LYST: variants seen among roughly 807,000 people sequenced by gnomAD.
LYST encodes the protein lysosomal-trafficking regulator.
Under a neutral mutation model 413.6 loss-of-function variants are expected in LYST, and 192 were observed. The ratio of observed to expected loss-of-function variants is 0.46; its 90% confidence interval spans 0.41 to 0.52. The LOEUF is 0.52. Ranked by LOEUF, LYST falls within the 20% of genes least tolerant of loss-of-function variation. The probability of loss-of-function intolerance (pLI) is 0.00; values close to 1 mark genes in which losing one functional copy is unlikely to be tolerated. For missense variants in LYST, 3,815 were observed against 4,499.9 expected (o/e 0.85, Z 4.35); for synonymous variants, 1,525 against 1,567.3 (o/e 0.97, Z 0.64).
intron 45 of LYST, 91 bp downstream of exon 45, chr1:235,702,656 G>T: frequency 9.3e-7 from 1 of 1,078,380 alleles, no homozygotes; most frequent in Non-Finnish European, 1.4e-6. Flanking sequence ...CTTTAGGCCA[G>T]GACCATGCTA....
chr1:235,801,165 AT>A, intron 8 of LYST, 68 bp from the exon 9 acceptor site: 1 of 1,047,220 alleles, frequency 9.5e-7, no homozygotes, highest in Non-Finnish European at 1.5e-6. Context: ...TTCATTAATC[AT>A]TTAGAAGATC....
Position 235,663,847 on chromosome 1 carries a change from C to G in LYST, c.11267+137G>C. ...TCTTGCTGCTGGGTCACGGACAACC[C>G]GCTGTGTGTTAAGTGGTTGGCTTTT... is the stretch of plus-strand genomic sequence containing the variant. On this transcript the variant is annotated intron_variant, in intron 52 of 52. Coordinates refer to ENST00000389793, the MANE Select transcript of LYST (RefSeq NM_000081.4). 5.3e-6 allele frequency: 4 copies of G among 752,104 alleles called. No individual in the cohort carries two copies. The South Asian group carries it at 6.0e-5, about 11-fold the overall frequency. 46.6% of individuals were successfully genotyped at this position (752,104 alleles called of 1,614,324 possible). A position where few individuals can be genotyped will look rare whatever the true frequency, so the allele number is the denominator to read the frequency against.
intron 18 of LYST, among the ~76,000 whole-genome samples, chr1:235,774,228 A>C (rs1181272087): frequency 5.3e-5 from 8 of 152,240 alleles, no homozygotes; most frequent in Non-Finnish European, 8.8e-5. Context: ...GGGTGAAAAC[A>C]AACAGCACTC....
intron 22 of LYST, among the ~76,000 whole-genome samples, chr1:235,761,535 G>A (rs570386061): frequency 3.7e-4 from 57 of 152,236 alleles, no homozygotes; most frequent in African/African-American, 1.3e-3. Flanking sequence ...TATTGATTCT[G>A]AACATACCTA....
chr1:235,786,089 C>T (rs781026476), intron 14 of LYST, among the ~76,000 whole-genome samples: 3 of 152,140 alleles, frequency 2.0e-5, no homozygotes, highest in African/African-American at 4.8e-5. Flanking sequence ...ATAATTATCA[C>T]GGCTTCAGTT....
Position 235,686,892 on chromosome 1 carries a change from CT to C in LYST, c.10800+56del. 1.6e-6 allele frequency: 2 copies of C among 1,236,052 alleles called. No homozygotes were observed. Among genetic ancestry groups the C allele is most frequent in the South Asian group, 2.4e-5 (2 of 83,454 alleles). 76.6% of individuals were successfully genotyped at this position (1,236,052 alleles called of 1,614,324 possible). Reference sequence around the variant, plus strand: ...CAAAGTGAATTATACTTCATAAAGGCTTTCTTCCCCTCATTGACAAAGTCCC... The same window carrying C: ...CAAAGTGAATTATACTTCATAAAGGCTTCTTCCCCTCATTGACAAAGTCCC... On this transcript the variant is annotated intron_variant, in intron 48 of 52. Transcript: ENST00000389793. This position sits in a 1 kb window ranked among gnomAD's most constrained non-coding sequence, Gnocchi z 4.0.
chr1:235,792,939 C>G (rs35847176), intron 11 of LYST, among the ~76,000 whole-genome samples: 14,344 of 152,236 alleles, frequency 0.094, 897 homozygotes, highest in South Asian at 0.18. Flanking sequence ...GCTGGGATTA[C>G]AGGTATGAGC....
At chr1:235,749,238 T>G (rs185804333) in intron 28 of LYST, among the ~76,000 whole-genome samples, 107 of 152,312 alleles carry the variant, frequency 7.0e-4, no homozygotes, top group African/African-American at 2.2e-3. Context: ...AATATACTTT[T>G]GAAGATACTT....
At chr1:235,689,063 G>T (rs1660450551) in intron 47 of LYST, among the ~76,000 whole-genome samples, 1 of 148,832 alleles carries the variant, frequency 6.7e-6, no homozygotes, top group Non-Finnish European at 1.5e-5. Context: ...TATCCTAGCT[G>T]AATTTTCTCA....
intron 44 of LYST, among the ~76,000 whole-genome samples, chr1:235,704,532 T>C (rs1453326724): frequency 1.3e-5 from 2 of 152,232 alleles, no homozygotes. Context: ...TTTCATATGT[T>C]TGTTGGTCAC....
intron 48 of LYST, among the ~76,000 whole-genome samples, chr1:235,684,836 C>T (rs1429808095): frequency 6.6e-6 from 1 of 151,862 alleles, no homozygotes; most frequent in Non-Finnish European, 1.5e-5. Flanking sequence ...GCTATGTTGC[C>T]CAGGCTGGTC....
rs960302500 is a variant in LYST at position 235,787,217 on chromosome 1, T to C, written c.4845A>G (p.Ile1615Met). Residue 1615 changes from isoleucine (I) to methionine (M), a missense_variant, in exon 14 of 53, where the codon ATA (isoleucine) becomes ATG (methionine). Ile to Met is a conservative substitution (Grantham distance 10). Coordinates refer to ENST00000389793, the MANE Select transcript of LYST (RefSeq NM_000081.4). ...GKRRIHGKISIWVSGQRKPDV... is the reference protein window; with the variant it reads ...GKRRIHGKISMWVSGQRKPDV... Reference sequence around the variant, plus strand: ...CTTCCTACCTCTGTCCAGAGACCCATATGGAGATTTTCCCATGAATCCTCC... The same window carrying C: ...CTTCCTACCTCTGTCCAGAGACCCACATGGAGATTTTCCCATGAATCCTCC... 44 of 1,613,438 alleles carry C rather than the reference T, an allele frequency of 2.7e-5. No individual in the cohort carries two copies. The highest frequency in any genetic ancestry group is 3.6e-5 in the Non-Finnish European group (42 of 1,179,586).
chr1:235,713,707 C>T (rs1264842356), intron 42 of LYST, among the ~76,000 whole-genome samples: 1 of 152,134 alleles, frequency 6.6e-6, no homozygotes, highest in South Asian at 2.1e-4. Context: ...CCATGACAAA[C>T]GAATTATGCA....
intron 28 of LYST, among the ~76,000 whole-genome samples, chr1:235,750,085 C>G (rs1243868439): frequency 6.6e-6 from 1 of 152,098 alleles, no homozygotes; most frequent in East Asian, 1.9e-4. Flanking sequence ...CAGTCACTGA[C>G]TACATAAGGA....
Position 235,686,855 on chromosome 1 carries a change from G to A in LYST, c.10800+94C>T. On this transcript the variant is annotated intron_variant, in intron 48 of 52. Transcript: ENST00000389793. This position sits in a 1 kb window ranked among gnomAD's most constrained non-coding sequence, Gnocchi z 4.0. The stretch of plus-strand genomic sequence containing the variant: ...GAAGATTAAGGTATAAACATTTTAA[G>A]TTAATCTTATGCAAAGTGAATTATA... 1 of 932,212 alleles carries A rather than the reference G, an allele frequency of 1.1e-6. No individual in the cohort carries two copies. The highest frequency in any genetic ancestry group is 1.8e-6 in the Non-Finnish European group (1 of 558,946). The allele number at this position is 932,212 out of a possible 1,614,324, so 57.7% of individuals were successfully genotyped here.
intron 3 of LYST, among the ~76,000 whole-genome samples, chr1:235,817,765 T>C (rs1674325578): frequency 6.6e-6 from 1 of 152,086 alleles, no homozygotes; most frequent in South Asian, 2.1e-4. Flanking sequence ...TTGGGTACCA[T>C]GCTTATTACC....
At position 235,792,955 on chromosome 1, in the gene LYST, C is replaced by T. The variant is rs563504034; in HGVS notation, c.4116+548G>A. On this transcript the variant is annotated intron_variant, in intron 11 of 52. Transcript: ENST00000389793. ...CTGGGATTACAGGTATGAGCCATGG[C>T]GCCCTGCCTTAGATGTTCTCTGGAA... 3.9e-5 allele frequency among the ~76,000 whole-genome samples: 6 copies of T among 152,244 alleles called. No individual in the cohort carries two copies. The East Asian group carries it at 7.7e-4, about 20-fold the overall frequency.
At chr1:235,758,265 G>A (rs1214926918) in intron 23 of LYST, among the ~76,000 whole-genome samples, 4 of 152,184 alleles carry the variant, frequency 2.6e-5, no homozygotes, top group African/African-American at 9.7e-5. Flanking sequence ...GGTGACAGAG[G>A]AACCTTAAGT....
At chr1:235,828,759 T>C in intron 3 of LYST, 3 of 912,514 alleles carry the variant, frequency 3.3e-6, no homozygotes, top group Non-Finnish European at 3.9e-6. Context: ...GGTGTACATA[T>C]TAAATAATCA....
Sources: gnomAD v4.1 joint callset for allele counts (sites outside exome capture counted in the v4.1 genomes callset) on GRCh38, gnomAD v4.1.1 for gene constraint, Gnocchi (gnomAD v3.1) non-coding constraint, MANE v1.5 for transcripts, NCBI Gene and HGNC (gene_info 2026-07-23, HGNC 2026-07-21) for gene names.